The following CAST variants were observed in gnomAD, a reference collection of about 807,000 sequenced individuals.
The protein encoded by CAST is MIR583 host.
A neutral mutation model predicts 119.6 loss-of-function variants in CAST; 76 were observed. The observed-to-expected ratio is 0.64, with a 90% confidence interval of 0.53 to 0.77. The LOEUF (loss-of-function observed/expected upper bound fraction) is 0.77. CAST is among the 30% of genes least tolerant of loss of function. CAST has a pLI of 0.00. For missense variants in CAST, 953 were observed against 946.5 expected, an observed-to-expected ratio of 1.01 and a Z score of -0.09; for synonymous variants, 319 against 331.6, an observed-to-expected ratio of 0.96 and a Z score of 0.41.
At chr5:96,233,266 AT>A in the CAST span, among the ~76,000 whole-genome samples, 1 of 152,090 alleles carries the variant, frequency 6.6e-6, no homozygotes, top group Non-Finnish European at 1.5e-5. Context: ...CTTTCGTGGA[AT>A]TGATTCCCTA....
chr5:96,186,992 G>C, the CAST span, among the ~76,000 whole-genome samples: 2 of 152,126 alleles, frequency 1.3e-5, no homozygotes, highest in Non-Finnish European at 2.9e-5. Flanking sequence ...GCTTCGTTTT[G>C]TTGGTAGGAT....
intron 19 of CAST, among the ~76,000 whole-genome samples, chr5:96,750,297 A>C (rs1027732168): frequency 6.6e-6 from 1 of 152,174 alleles, no homozygotes; most frequent in Non-Finnish European, 1.5e-5. Flanking sequence ...GCCTCTTACC[A>C]ACCCTTCAGA....
At chr5:96,476,920 T>C in the CAST span, among the ~76,000 whole-genome samples, 39 of 118,342 alleles carry the variant, frequency 3.3e-4, no homozygotes, top group African/African-American at 1.2e-3. Flanking sequence ...AGTCATGATG[T>C]GGATGGCAAA....
the CAST span, among the ~76,000 whole-genome samples, chr5:96,492,750 A>G: frequency 3.3e-5 from 5 of 152,256 alleles, no homozygotes; most frequent in African/African-American, 1.2e-4. Flanking sequence ...ACACACATGG[A>G]AGTAGATAAA....
At chr5:96,311,955 T>G in the CAST span, among the ~76,000 whole-genome samples, 1 of 152,102 alleles carries the variant, frequency 6.6e-6, no homozygotes, top group Non-Finnish European at 1.5e-5. Flanking sequence ...GCAATTTTGT[T>G]AATTGTTTTC....
At chr5:96,654,993 A>T (rs1264349968) in intron 1 of CAST, among the ~76,000 whole-genome samples, 2 of 152,250 alleles carry the variant, frequency 1.3e-5, no homozygotes, top group African/African-American at 4.8e-5. Context: ...AAATGCTCAC[A>T]TCTAGTTAAT....
chr5:96,194,617 A>T, the CAST span, among the ~76,000 whole-genome samples: 1 of 152,236 alleles, frequency 6.6e-6, no homozygotes, highest in African/African-American at 2.4e-5. Context: ...ACTATCTTTT[A>T]TCCTTATAGT....
chr5:96,414,000 G>T, the CAST span, among the ~76,000 whole-genome samples: 9 of 147,614 alleles, frequency 6.1e-5, no homozygotes, highest in Non-Finnish European at 1.3e-4. Context: ...TTAGCCGGGC[G>T]TAGTGGCGGG....
chr5:96,091,504 CTTTTTTTT>C, the CAST span, among the ~76,000 whole-genome samples: 1 of 98,542 alleles, frequency 1.0e-5, no homozygotes. Context: ...CATGCCTGGC[CTTTTTTTT>C]TTTTTTTTTT....
chr5:96,709,210 A>G (rs17086588), intron 3 of CAST, among the ~76,000 whole-genome samples: 21,083 of 152,280 alleles, frequency 0.14, 1,557 homozygotes, highest in Middle Eastern at 0.18. Flanking sequence ...CCTTACCATT[A>G]TTCTGGACAG....
At chr5:96,340,425 T>A in the CAST span, among the ~76,000 whole-genome samples, 1 of 152,144 alleles carries the variant, frequency 6.6e-6, no homozygotes, top group South Asian at 2.1e-4. Flanking sequence ...TTTGGCTGAT[T>A]CAATTTTTAT....
the CAST span, among the ~76,000 whole-genome samples, chr5:96,206,819 T>C: frequency 6.6e-6 from 1 of 152,124 alleles, no homozygotes; most frequent in Non-Finnish European, 1.5e-5. Flanking sequence ...AAGTTTAAAA[T>C]AGTTTTCTCT....
At chr5:96,225,866 G>T in the CAST span, among the ~76,000 whole-genome samples, 1 of 152,140 alleles carries the variant, frequency 6.6e-6, no homozygotes, top group East Asian at 1.9e-4. Flanking sequence ...GGGAGAAAAA[G>T]AAATTTAATT....
chr5:96,420,246 C>T, the CAST span, among the ~76,000 whole-genome samples: 1 of 152,192 alleles, frequency 6.6e-6, no homozygotes, highest in Non-Finnish European at 1.5e-5. Flanking sequence ...TAAGTGATTT[C>T]TCCAAGGTCA....
chr5:96,724,289 T>G (rs1393515579), intron 4 of CAST, among the ~76,000 whole-genome samples: 1 of 152,082 alleles, frequency 6.6e-6, no homozygotes, highest in Non-Finnish European at 1.5e-5. Context: ...CAAGTGATCC[T>G]CCTACCTCAG....
the CAST span, among the ~76,000 whole-genome samples, chr5:96,235,589 C>T: frequency 3.9e-5 from 6 of 152,140 alleles, no homozygotes; most frequent in Non-Finnish European, 8.8e-5. Flanking sequence ...TTGAATCTCC[C>T]CACTAGAAGT....
chr5:96,224,406 G>A, the CAST span, among the ~76,000 whole-genome samples: 4 of 152,092 alleles, frequency 2.6e-5, no homozygotes, highest in Non-Finnish European at 5.9e-5. Context: ...TGTGATTAAG[G>A]TAAGCATCTT....
the CAST span, among the ~76,000 whole-genome samples, chr5:95,965,940 C>T: frequency 1.3e-5 from 2 of 152,024 alleles, no homozygotes; most frequent in African/African-American, 4.8e-5. Flanking sequence ...TTATTATTAT[C>T]ATCATCATCA....
chr5:96,106,092 C>A, the CAST span, among the ~76,000 whole-genome samples: 1 of 152,124 alleles, frequency 6.6e-6, no homozygotes, highest in East Asian at 1.9e-4. Context: ...TCCCCTTTAT[C>A]ATTTTGTATT....
Sources: gnomAD v4.1 joint callset for allele counts (sites outside exome capture counted in the v4.1 genomes callset) on GRCh38, gnomAD v4.1.1 for gene constraint, MANE v1.5 for transcripts, NCBI Gene and HGNC (gene_info 2026-07-23, HGNC 2026-07-21) for gene names.